The following TXNRD1 variants were observed in gnomAD, a reference collection of about 807,000 sequenced individuals.
The protein encoded by TXNRD1 is thioredoxin reductase 1, cytoplasmic.
In TXNRD1, 57 loss-of-function variants were observed where a neutral mutation model predicts 80.3. The ratio of observed to expected loss-of-function variants is 0.71; its 90% CI spans 0.57 to 0.89. TXNRD1 has a LOEUF of 0.89. TXNRD1 is among the 40% of genes least tolerant of loss of function. The pLI is 0.00. For missense variants in TXNRD1, 730 were observed against 803.0 expected (o/e 0.91, Z 1.10); for synonymous variants, 291 against 285.2 (o/e 1.02, Z -0.20).
At chr12:104,241,404 T>C (rs370830006) in intron 1 of TXNRD1, among the ~76,000 whole-genome samples, 7 of 151,792 alleles carry the variant, frequency 4.6e-5, no homozygotes, top group African/African-American at 9.7e-5. Flanking sequence ...GGAGTTTTGC[T>C]GTTGTTGCCC....
chr12:104,270,446 C>G (rs1002983031), intron 3 of TXNRD1, among the ~76,000 whole-genome samples: 1 of 152,096 alleles, frequency 6.6e-6, no homozygotes, highest in Non-Finnish European at 1.5e-5. Context: ...GTAATATTTT[C>G]AAAAGTCTTC....
chr12:104,230,916 G>T lies in TXNRD1; in HGVS notation c.91+15023G>T, dbSNP rs187733583. 9.2e-5 allele frequency among the ~76,000 whole-genome samples: 14 copies of T among 152,200 alleles called. 1 individual carries two copies. In the East Asian group the frequency reaches 2.3e-3, roughly 25 times the overall value. On this transcript the variant is annotated intron_variant, in intron 1 of 16. Coordinates refer to ENST00000525566, the MANE Select transcript of TXNRD1 (RefSeq NM_001093771.3). ...GCCTTTTAATATGCAAATGCAGGGC[G>T]CCATGATGTTTTACACACGTGAGGA... is the stretch of plus-strand genomic sequence containing the variant.
At chr12:104,259,386 C>CACA (rs765655217) in intron 3 of TXNRD1, among the ~76,000 whole-genome samples, 12 of 150,914 alleles carry the variant, frequency 8.0e-5, no homozygotes, top group Admixed American at 1.3e-4. Flanking sequence ...GTCTCAGAAC[C>CACA]ACAACAACAA....
chr12:104,268,792 C>T (rs112718627), intron 3 of TXNRD1, among the ~76,000 whole-genome samples: 45,326 of 150,946 alleles, frequency 0.3, 7,183 homozygotes, highest in Non-Finnish European at 0.36. Context: ...GATGGGATTA[C>T]AGTCGTGAGC....
chr12:104,225,193 T>C (rs2032444859), intron 1 of TXNRD1, among the ~76,000 whole-genome samples: 1 of 152,194 alleles, frequency 6.6e-6, no homozygotes, highest in Non-Finnish European at 1.5e-5. Flanking sequence ...AGGAGTAACA[T>C]TTATTGAATG....
At chr12:104,260,356 A>G (rs540705558) in intron 3 of TXNRD1, among the ~76,000 whole-genome samples, 1 of 152,180 alleles carries the variant, frequency 6.6e-6, no homozygotes, top group East Asian at 1.9e-4. Context: ...AATCCCAGCT[A>G]TTCGGGAGGT....
intron 3 of TXNRD1, among the ~76,000 whole-genome samples, chr12:104,273,324 T>A (rs909468664): frequency 6.6e-5 from 10 of 152,128 alleles, no homozygotes; most frequent in African/African-American, 2.4e-4. Flanking sequence ...CAGGGCGGGG[T>A]GGCTCAGGCC....
At chr12:104,307,872 G>A (rs904739418) in intron 4 of TXNRD1, among the ~76,000 whole-genome samples, 1 of 152,220 alleles carries the variant, frequency 6.6e-6, no homozygotes, top group African/African-American at 2.4e-5. Context: ...TTGCCAACAA[G>A]TGACAGTTGC....
intron 1 of TXNRD1, among the ~76,000 whole-genome samples, chr12:104,236,666 G>A (rs901887049): frequency 1.3e-5 from 2 of 151,796 alleles, no homozygotes; most frequent in South Asian, 2.1e-4. Context: ...GTGCATGCCT[G>A]TAATCCCAGC....
intron 1 of TXNRD1, among the ~76,000 whole-genome samples, chr12:104,229,720 G>A (rs1331084626): frequency 1.3e-5 from 2 of 151,922 alleles, no homozygotes; most frequent in African/African-American, 2.4e-5. Context: ...AGCCTCCTGA[G>A]TAGCTGGGAT....
chr12:104,309,769 T>C (rs1449124727), intron 4 of TXNRD1: 6 of 1,530,472 alleles, frequency 3.9e-6, no homozygotes, highest in Admixed American at 2.0e-5. Context: ...TGCTTTGTAT[T>C]GAAGGAGGAA....
chr12:104,277,699 T>G (rs1593741420), intron 3 of TXNRD1, among the ~76,000 whole-genome samples: 2 of 141,764 alleles, frequency 1.4e-5, no homozygotes, highest in South Asian at 2.1e-4. Flanking sequence ...GTTACCGGGG[T>G]TTTTTTTTTG....
At chr12:104,251,713 T>C in intron 2 of TXNRD1, 35 bp downstream of exon 2, 1 of 1,599,554 alleles carries the variant, frequency 6.3e-7, no homozygotes, top group Non-Finnish European at 8.5e-7. Context: ...TAAATGGAAT[T>C]GAAGGAATTT....
At chr12:104,248,667 G>T (rs1470573158) in intron 1 of TXNRD1, among the ~76,000 whole-genome samples, 1 of 152,156 alleles carries the variant, frequency 6.6e-6, no homozygotes, top group Admixed American at 6.5e-5. Context: ...GACCTAGGAA[G>T]TCTTGGTTAT....
chr12:104,219,754 G>A lies in TXNRD1; in HGVS notation c.91+3861G>A, dbSNP rs940337878. ...TACTGCCCTACAAATCAGTAAATGT[G>A]TTTATATGACTCATATGGCAAAAGG... is the stretch of plus-strand genomic sequence containing the variant. On this transcript the variant is annotated intron_variant, in intron 1 of 16. Coordinates refer to ENST00000525566, the MANE Select transcript of TXNRD1 (RefSeq NM_001093771.3). Among the ~76,000 whole-genome samples, 8 of 151,432 alleles carry A rather than the reference G, an allele frequency of 5.3e-5. No homozygotes were observed. The East Asian group carries it at 1.5e-3, about 29-fold the overall frequency.
intron 1 of TXNRD1, among the ~76,000 whole-genome samples, chr12:104,221,975 G>T (rs1274531405): frequency 6.6e-6 from 1 of 152,182 alleles, no homozygotes; most frequent in Non-Finnish European, 1.5e-5. Flanking sequence ...ATGCTGTACA[G>T]ACAGGGCAAT....
chr12:104,268,355 C>A (rs1593730593), intron 3 of TXNRD1, among the ~76,000 whole-genome samples: 1 of 144,232 alleles, frequency 6.9e-6, no homozygotes. Context: ...ACTAAAAATA[C>A]AAAAAAAAAA....
In TXNRD1 at chr12:104,348,428, G is replaced by C; in HGVS notation, c.*7G>C. The C allele has an allele frequency of 6.2e-7, 1 of 1,613,964 alleles. No homozygotes were observed. Among genetic ancestry groups the C allele is most frequent in the Non-Finnish European group, 8.5e-7 (1 of 1,179,852 alleles). On this transcript the variant is annotated 3_prime_UTR_variant, in exon 17 of 17. Transcript: ENST00000525566. ...GGCTGGCTGCTGAGGTTAAGCCCCA[G>C]TGTGGATGCTGTTGCCAAGACTGCA... is the stretch of plus-strand genomic sequence containing the variant.
At position 104,313,271 on chromosome 12, in the gene TXNRD1, G is replaced by A; in HGVS notation, c.564G>A (p.Val188=). 1.3e-6 allele frequency: 2 copies of A among 1,590,350 alleles called. No individual in the cohort carries two copies. The highest frequency in any genetic ancestry group is 1.1e-5 in the South Asian group (1 of 87,234). ...AGGCAGCCCAATATGGCAAGAAGGTGATGGTCCTGGACTTTGTCACTCCCA... is the reference window on the plus strand; with the variant it reads ...AGGCAGCCCAATATGGCAAGAAGGTAATGGTCCTGGACTTTGTCACTCCCA... ...AKEAAQYGKK[V]MVLDFVTPTP... Residue 188 remains valine, a synonymous_variant, in exon 6 of 17, where the codon GTG becomes GTA. Coordinates refer to ENST00000525566, the MANE Select transcript of TXNRD1 (RefSeq NM_001093771.3).
Sources: gnomAD v4.1 joint callset for allele counts (sites outside exome capture counted in the v4.1 genomes callset) on GRCh38, gnomAD v4.1.1 for gene constraint, MANE v1.5 for transcripts, NCBI Gene and HGNC (gene_info 2026-07-23, HGNC 2026-07-21) for gene names.